The following ZBTB38 variants were observed in gnomAD, a reference collection of about 807,000 sequenced individuals.
ZBTB38 encodes zinc finger and BTB domain-containing protein 38.
A neutral mutation model predicts 76.8 loss-of-function variants in ZBTB38; 20 were observed. The observed-to-expected ratio is 0.26, with a 90% CI of 0.18 to 0.38. The LOEUF (loss-of-function observed/expected upper bound fraction) is 0.38, where lower values mean the gene tolerates loss of function less well. ZBTB38 is among the 10% of genes least tolerant of loss of function. ZBTB38 has a pLI of 1.00. For missense variants in ZBTB38, 1,082 were observed against 1,482.3 expected, an observed-to-expected ratio of 0.73 and a Z score of 4.43; for synonymous variants, 504 against 544.2, an observed-to-expected ratio of 0.93 and a Z score of 1.03.
At chr3:141,357,207 C>T (rs1337270675) in intron 1 of ZBTB38, among the ~76,000 whole-genome samples, 1 of 152,136 alleles carries the variant, frequency 6.6e-6, no homozygotes, top group Non-Finnish European at 1.5e-5. Flanking sequence ...TACTATTTGT[C>T]ATTGGTACTT....
At chr3:141,328,028 C>T (rs73869581) in intron 1 of ZBTB38, among the ~76,000 whole-genome samples, 7,338 of 152,154 alleles carry the variant, frequency 0.048, 409 homozygotes, top group African/African-American at 0.13. Context: ...GTTGTATAGT[C>T]TAATGCTTGA....
At chr3:141,377,041 G>T (rs1003516155) in intron 2 of ZBTB38, among the ~76,000 whole-genome samples, 6 of 152,178 alleles carry the variant, frequency 3.9e-5, no homozygotes, top group African/African-American at 7.2e-5. Context: ...GAAGACCCTG[G>T]CCCAGGCAAA....
intron 3 of ZBTB38, among the ~76,000 whole-genome samples, chr3:141,382,208 ACT>A (rs1946300293): frequency 6.6e-6 from 1 of 152,134 alleles, no homozygotes; most frequent in South Asian, 2.1e-4. Flanking sequence ...ACATAGCGAG[ACT>A]CTGTCTCAAG....
rs368124849 is a variant in ZBTB38 at position 141,431,190 on chromosome 3, G to T, written c.1-11199G>T. 7.7e-4 allele frequency among the ~76,000 whole-genome samples: 117 copies of T among 151,520 alleles called. 3 individuals are homozygous for T. Among genetic ancestry groups the T allele is most frequent in the African/African-American group, 2.7e-3 (112 of 41,138 alleles). On this transcript the variant is annotated intron_variant, in intron 5 of 5. Transcript: ENST00000321464. ...ATACAAAAATTAGCCGGGCATGGTGGCAGGTGCCTGTAATCCCAGCTACTC... is the reference window on the plus strand; with the variant it reads ...ATACAAAAATTAGCCGGGCATGGTGTCAGGTGCCTGTAATCCCAGCTACTC...
At chr3:141,365,232 A>G (rs1184344362), upstream of ZBTB38, among the ~76,000 whole-genome samples, 1 of 152,248 alleles carries the variant, frequency 6.6e-6, no homozygotes, top group Non-Finnish European at 1.5e-5. Context: ...GTACTAAAGT[A>G]TTCTATGCCT....
At chr3:141,377,505 A>G (rs2149111696) in intron 2 of ZBTB38, among the ~76,000 whole-genome samples, 1 of 152,346 alleles carries the variant, frequency 6.6e-6, no homozygotes, top group East Asian at 1.9e-4. Flanking sequence ...TGCCTGTAGG[A>G]ATGTAAAATG....
chr3:141,362,045 T>C (rs1943838945), intron 1 of ZBTB38, among the ~76,000 whole-genome samples: 1 of 152,238 alleles, frequency 6.6e-6, no homozygotes, highest in Non-Finnish European at 1.5e-5. Context: ...TCTATTGTTT[T>C]ATTTTATTCT....
chr3:141,402,887 C>T (rs1577089281), intron 4 of ZBTB38: 1 of 152,210 alleles, frequency 6.6e-6, no homozygotes, highest in Non-Finnish European at 1.5e-5. Context: ...GGAATCGGAC[C>T]CTAGTCCTGA....
At chr3:141,398,560 G>A (rs1443696365) in intron 4 of ZBTB38, among the ~76,000 whole-genome samples, 3 of 152,018 alleles carry the variant, frequency 2.0e-5, no homozygotes, top group Non-Finnish European at 4.4e-5. Context: ...TTAAACATAT[G>A]TAGTAGAGGC....
At chr3:141,392,023 GA>G (rs1482438196) in intron 4 of ZBTB38, among the ~76,000 whole-genome samples, 2 of 152,166 alleles carry the variant, frequency 1.3e-5, no homozygotes, top group African/African-American at 4.8e-5. Context: ...AAAGGTCAGG[GA>G]ACAAAGGGAG....
intron 1 of ZBTB38, among the ~76,000 whole-genome samples, chr3:141,349,008 C>T (rs914911483): frequency 6.6e-6 from 1 of 152,118 alleles, no homozygotes; most frequent in Non-Finnish European, 1.5e-5. Flanking sequence ...ATCTAAGAGA[C>T]TAGGCAACTC....
chr3:141,386,225 G>C (rs1346996252), intron 3 of ZBTB38, among the ~76,000 whole-genome samples: 1 of 152,174 alleles, frequency 6.6e-6, no homozygotes, highest in African/African-American at 2.4e-5. Context: ...GTATCCTAAG[G>C]ATAGCTTTAA....
chr3:141,369,645 G>A (rs1944255799), intron 1 of ZBTB38, among the ~76,000 whole-genome samples: 1 of 152,170 alleles, frequency 6.6e-6, no homozygotes, highest in Non-Finnish European at 1.5e-5. Context: ...TCGTATAGCT[G>A]ACGTACCAGG....
rs140569473 is a variant in ZBTB38 at position 141,428,449 on chromosome 3, A to C, written c.1-13940A>C. On this transcript the variant is annotated intron_variant, in intron 5 of 5. Coordinates refer to ENST00000321464, the MANE Select transcript of ZBTB38 (RefSeq NM_001376113.1). Reference sequence around the variant, plus strand: ...AATACTAGCTTCCATATTGAGCACTAACTGTTAATTCATTGAATCCTGTGA... The same window carrying C: ...AATACTAGCTTCCATATTGAGCACTCACTGTTAATTCATTGAATCCTGTGA... Among the ~76,000 whole-genome samples the C allele has an allele frequency of 2.0e-5, 3 of 152,302 alleles. No homozygotes were observed. The East Asian group carries it at 5.8e-4, about 29-fold the overall frequency.
intron 4 of ZBTB38, among the ~76,000 whole-genome samples, chr3:141,402,111 C>T (rs1279548759): frequency 6.6e-6 from 1 of 152,204 alleles, no homozygotes; most frequent in African/African-American, 2.4e-5. Flanking sequence ...CCTGAGGAGG[C>T]TGAGGCCGCT....
At chr3:141,372,496 T>C (rs1944770233) in intron 2 of ZBTB38, among the ~76,000 whole-genome samples, 1 of 146,226 alleles carries the variant, frequency 6.8e-6, no homozygotes, top group African/African-American at 2.7e-5. Context: ...TAAAAAAAAA[T>C]ACAAAATTAG....
chr3:141,431,341 A>AAAAAAATATAT, intron 5 of ZBTB38, among the ~76,000 whole-genome samples: 2 of 103,282 alleles, frequency 1.9e-5, no homozygotes, highest in African/African-American at 1.2e-4. Context: ...AAAAAAAAAA[A>AAAAAAATATAT]ATATATATAT....
intron 1 of ZBTB38, among the ~76,000 whole-genome samples, chr3:141,355,903 T>C (rs1943646013): frequency 6.6e-6 from 1 of 152,166 alleles, no homozygotes; most frequent in Admixed American, 6.5e-5. Flanking sequence ...GGGCTATTTC[T>C]TTCCCCCTGA....
chr3:141,423,767 T>G (rs566363994), intron 5 of ZBTB38, among the ~76,000 whole-genome samples: 4 of 152,312 alleles, frequency 2.6e-5, no homozygotes, highest in African/African-American at 4.8e-5. Flanking sequence ...TATTTTTTAC[T>G]GAACAAAATA....
Sources: allele counts gnomAD v4.1 joint callset (sites outside exome capture counted in the v4.1 genomes callset), GRCh38; gene constraint gnomAD v4.1.1; transcripts MANE v1.5; gene names NCBI Gene and HGNC (gene_info 2026-07-23, HGNC 2026-07-21).